CPNE4: variants seen among roughly 807,000 people sequenced by gnomAD.
CPNE4 encodes copine-4.
In CPNE4, 25 loss-of-function variants were observed where a neutral mutation model predicts 67.9. The ratio of observed to expected loss-of-function variants is 0.37; its 90% CI spans 0.27 to 0.51. The LOEUF is 0.51. Among genes scored for constraint, CPNE4 ranks in the 20% least tolerant of loss-of-function variants. The probability of loss-of-function intolerance (pLI) is 0.93; values close to 1 mark genes in which losing one functional copy is unlikely to be tolerated. For synonymous variants in CPNE4, 242 were observed against 244.9 expected, an observed-to-expected ratio of 0.99 and a Z score of 0.11; for missense variants, 464 against 690.8, an observed-to-expected ratio of 0.67 and a Z score of 3.68.
intron 7 of CPNE4, among the ~76,000 whole-genome samples, chr3:131,638,230 T>C (rs1218203518): frequency 6.6e-6 from 1 of 152,118 alleles, no homozygotes; most frequent in Non-Finnish European, 1.5e-5. Context: ...AATGTTCCAC[T>C]TAAAAGATAC....
At chr3:131,789,035 C>CACACAGAGAG (rs1553771459) in intron 2 of CPNE4, among the ~76,000 whole-genome samples, 10 of 137,302 alleles carry the variant, frequency 7.3e-5, no homozygotes, top group African/African-American at 2.8e-4. Context: ...CACACACACA[C>CACACAGAGAG]AGAGAGAGAG....
At chr3:131,574,657 G>A (rs2107681367) in intron 10 of CPNE4, among the ~76,000 whole-genome samples, 1 of 152,254 alleles carries the variant, frequency 6.6e-6, no homozygotes, top group Admixed American at 6.5e-5. Flanking sequence ...CATTGGTGCT[G>A]TGGTCTAGTC....
chr3:131,688,584 T>G (rs2080953898), intron 5 of CPNE4, among the ~76,000 whole-genome samples: 1 of 152,216 alleles, frequency 6.6e-6, no homozygotes, highest in African/African-American at 2.4e-5. Context: ...CTTCACGCTT[T>G]GCCTCTTTAA....
intron 8 of CPNE4, among the ~76,000 whole-genome samples, chr3:131,586,726 A>ATCTATCTGTCTG (rs1333232108): frequency 1.5e-5 from 2 of 129,600 alleles, no homozygotes; most frequent in African/African-American, 7.5e-5. Context: ...TTCTATCTCT[A>ATCTATCTGTCTG]TCTGTCTGTC....
intron 11 of CPNE4, among the ~76,000 whole-genome samples, chr3:131,556,933 G>A (rs1255033986): frequency 6.6e-6 from 1 of 152,096 alleles, no homozygotes; most frequent in Non-Finnish European, 1.5e-5. Flanking sequence ...AATCCTGGAA[G>A]CTTCACCTAC....
intron 1 of CPNE4, among the ~76,000 whole-genome samples, chr3:131,936,856 A>G (rs1257975111): frequency 6.6e-6 from 1 of 152,046 alleles, no homozygotes; most frequent in African/African-American, 2.4e-5. Context: ...GAAACCAGGA[A>G]ACAAGCAGGA....
chr3:131,628,444 A>G (rs896139447), intron 7 of CPNE4, among the ~76,000 whole-genome samples: 4 of 152,210 alleles, frequency 2.6e-5, no homozygotes, highest in South Asian at 2.1e-4. Context: ...CTTTTTTTCT[A>G]TTGATTGGAA....
intron 1 of CPNE4, among the ~76,000 whole-genome samples, chr3:131,978,594 G>T (rs2072818310): frequency 1.8e-5 from 2 of 113,268 alleles, no homozygotes; most frequent in East Asian, 2.4e-4. Flanking sequence ...CTCTTTTCTT[G>T]GTTAATCTTG....
chr3:131,737,738 T>G (rs1035940882), intron 2 of CPNE4, among the ~76,000 whole-genome samples: 3 of 152,160 alleles, frequency 2.0e-5, no homozygotes, highest in African/African-American at 7.2e-5. Flanking sequence ...GGCCCCTTGC[T>G]CAACAGGTTA....
intron 2 of CPNE4, among the ~76,000 whole-genome samples, chr3:131,859,295 C>T (rs1261679711): frequency 6.6e-6 from 1 of 152,068 alleles, no homozygotes; most frequent in African/African-American, 2.4e-5. Flanking sequence ...CCCAAGATAG[C>T]CAGCCACAAA....
chr3:131,613,365 G>T (rs1939956964), intron 7 of CPNE4, among the ~76,000 whole-genome samples: 1 of 152,080 alleles, frequency 6.6e-6, no homozygotes, highest in Non-Finnish European at 1.5e-5. Flanking sequence ...CAGGTAGCAG[G>T]TACCAAAGTC....
intron 7 of CPNE4, among the ~76,000 whole-genome samples, chr3:131,596,578 C>A (rs1310656606): frequency 1.9e-5 from 2 of 103,070 alleles, no homozygotes; most frequent in Non-Finnish European, 3.7e-5. Context: ...GCCGAGATCC[C>A]GCCACTGCAC....
intron 14 of CPNE4, among the ~76,000 whole-genome samples, chr3:131,549,627 T>A (rs566770965): frequency 6.6e-6 from 1 of 152,270 alleles, no homozygotes; most frequent in Non-Finnish European, 1.5e-5. Flanking sequence ...CCTTTCTTTT[T>A]TCTTTTCAAG....
At chr3:131,827,728 T>C (rs1000330516) in intron 2 of CPNE4, among the ~76,000 whole-genome samples, 16 of 152,054 alleles carry the variant, frequency 1.1e-4, no homozygotes, top group Admixed American at 6.5e-5. Context: ...AAGTATGCTT[T>C]TTAAGTTGAA....
rs776329683 is a variant in CPNE4, at chr3:131,723,431, T to A, written c.360+15A>T. On this transcript the variant is annotated intron_variant, in intron 3 of 15. Coordinates refer to ENST00000429747, the MANE Select transcript of CPNE4 (RefSeq NM_130808.3). ...TAGGATGGCAAGGAGGAGGAAGGGA[T>A]GTCTGTTGACCCACCTGGCCAAGTG... The A allele has an allele frequency of 6.2e-7, 1 of 1,609,286 alleles. No homozygotes were observed. The highest frequency in any genetic ancestry group is 1.1e-5 in the South Asian group (1 of 90,776).
Position 131,956,126 on chromosome 3 carries a change from A to G in CPNE4, c.-1-50682T>C, listed in dbSNP as rs78681292. Among the ~76,000 whole-genome samples the G allele has an allele frequency of 3.0e-3, 452 of 152,174 alleles. 2 individuals are homozygous for G. Among genetic ancestry groups the G allele is most frequent in the African/African-American group, 0.01 (429 of 41,540 alleles). On this transcript the variant is annotated intron_variant, in intron 1 of 15. Coordinates refer to ENST00000429747, the MANE Select transcript of CPNE4 (RefSeq NM_130808.3). Reference sequence around the variant, plus strand: ...TAGATTTTTTATATGTTAGCATTTTATTTAGGAATTATTCATTTATGGTCT... The same window carrying G: ...TAGATTTTTTATATGTTAGCATTTTGTTTAGGAATTATTCATTTATGGTCT...
chr3:131,725,103 A>G (rs1253107112), intron 2 of CPNE4, among the ~76,000 whole-genome samples: 1 of 152,236 alleles, frequency 6.6e-6, no homozygotes, highest in Non-Finnish European at 1.5e-5. Context: ...AACTATGAAA[A>G]GCATTTATCT....
intron 2 of CPNE4, among the ~76,000 whole-genome samples, chr3:131,797,943 C>A (rs538220570): frequency 6.6e-6 from 1 of 152,100 alleles, no homozygotes; most frequent in Non-Finnish European, 1.5e-5. Context: ...TATAGGTACC[C>A]GCCAATTTGG....
intron 1 of CPNE4, among the ~76,000 whole-genome samples, chr3:132,012,560 GAACCTGAGCTCAGCTT>G (rs1247728983): frequency 2.0e-5 from 3 of 152,128 alleles, no homozygotes; most frequent in Non-Finnish European, 4.4e-5. Context: ...TGGGTGGGCA[GAACCTGAGCTCAGCTT>G]ATAGACACAA....
Sources: gnomAD v4.1 joint callset for allele counts (sites outside exome capture counted in the v4.1 genomes callset) on GRCh38, gnomAD v4.1.1 for gene constraint, MANE v1.5 for transcripts, NCBI Gene and HGNC (gene_info 2026-07-23, HGNC 2026-07-21) for gene names.